Variants in SFMBT1 observed in about 807,000 individuals in gnomAD.
SFMBT1 encodes the protein scm-like with four MBT domains protein 1.
SFMBT1 carries 32 observed loss-of-function variants against 108.7 expected under a neutral mutation model. The observed-to-expected ratio is 0.29, with a 90% CI of 0.22 to 0.40. The LOEUF (loss-of-function observed/expected upper bound fraction) is 0.40. Among genes scored for constraint, SFMBT1 ranks in the 10% least tolerant of loss-of-function variants. The pLI is 1.00. For synonymous variants in SFMBT1, 348 were observed against 369.5 expected, an observed-to-expected ratio of 0.94 and a Z score of 0.67; for missense variants, 816 against 1,059.6, an observed-to-expected ratio of 0.77 and a Z score of 3.19.
intron 1 of SFMBT1, among the ~76,000 whole-genome samples, chr3:52,970,288 T>C (rs1000998376): frequency 7.1e-4 from 108 of 152,256 alleles, no homozygotes; most frequent in African/African-American, 2.5e-3. Context: ...TCCTATTCCA[T>C]CCCTAAGCTC....
At chr3:52,914,222 T>C (rs911116170) in intron 14 of SFMBT1, among the ~76,000 whole-genome samples, 7 of 152,182 alleles carry the variant, frequency 4.6e-5, no homozygotes, top group Non-Finnish European at 1.0e-4. Flanking sequence ...ATCAATACTG[T>C]CCTTCAATTT....
chr3:52,908,488 T>C (rs971311979), intron 17 of SFMBT1, among the ~76,000 whole-genome samples: 1 of 152,232 alleles, frequency 6.6e-6, no homozygotes, highest in African/African-American at 2.4e-5. Flanking sequence ...AAGAATTTCC[T>C]TTCTCCCTTA....
intron 1 of SFMBT1, among the ~76,000 whole-genome samples, chr3:52,985,454 G>T (rs1704871447): frequency 6.6e-6 from 1 of 152,186 alleles, no homozygotes. Context: ...TAGGCACACA[G>T]AACACTGTCC....
intron 1 of SFMBT1, among the ~76,000 whole-genome samples, chr3:52,975,285 T>C (rs1395956348): frequency 6.6e-6 from 1 of 152,232 alleles, no homozygotes; most frequent in African/African-American, 2.4e-5. Context: ...CCATTGGAAA[T>C]TGTGTTAGAG....
At chr3:52,954,237 C>T (rs1282357349) in intron 3 of SFMBT1, 80 bp downstream of exon 3, 2 of 1,113,222 alleles carry the variant, frequency 1.8e-6, no homozygotes, top group African/African-American at 3.2e-5. Flanking sequence ...ATTAAAATAA[C>T]TTTAAATTCT....
At chr3:53,033,462 A>C (rs1699758609) in intron 1 of SFMBT1, among the ~76,000 whole-genome samples, 1 of 152,060 alleles carries the variant, frequency 6.6e-6, no homozygotes. Flanking sequence ...CGCCCGGCCC[A>C]ACATTTTTTT....
At chr3:53,016,327 C>T (rs1206711504) in intron 1 of SFMBT1, among the ~76,000 whole-genome samples, 1 of 152,126 alleles carries the variant, frequency 6.6e-6, no homozygotes, top group African/African-American at 2.4e-5. Flanking sequence ...CCAGAGATTG[C>T]CTCAAGCCAA....
chr3:53,045,560 C>A (rs1048019100), intron 1 of SFMBT1, among the ~76,000 whole-genome samples: 1 of 143,170 alleles, frequency 7.0e-6, no homozygotes, highest in Non-Finnish European at 1.5e-5. Context: ...CCCCTGCAGC[C>A]GGCCGGCCGG....
At chr3:52,982,855 TA>T (rs201481492) in intron 1 of SFMBT1, among the ~76,000 whole-genome samples, 90,181 of 150,124 alleles carry the variant, frequency 0.6, 27,321 homozygotes, top group Middle Eastern at 0.67. Flanking sequence ...CCAGTGCCAA[TA>T]AAGAAGAAGA....
chr3:52,979,318 AT>A (rs1704625319), intron 1 of SFMBT1, among the ~76,000 whole-genome samples: 1 of 152,180 alleles, frequency 6.6e-6, no homozygotes, highest in Non-Finnish European at 1.5e-5. Context: ...ATAAATTTCT[AT>A]TTTCAATTGC....
chr3:52,926,470 A>C (rs1384354457), intron 9 of SFMBT1, among the ~76,000 whole-genome samples: 2 of 152,188 alleles, frequency 1.3e-5, no homozygotes, highest in African/African-American at 4.8e-5. Context: ...ATCCACTCTT[A>C]TTGTCAATTC....
chr3:53,041,540 A>C (rs900895865), intron 1 of SFMBT1, among the ~76,000 whole-genome samples: 1 of 152,080 alleles, frequency 6.6e-6, no homozygotes, highest in African/African-American at 2.4e-5. Flanking sequence ...TTTACTAAAA[A>C]TACCAAAATT....
chr3:53,017,182 C>G (rs1031141770), intron 1 of SFMBT1, among the ~76,000 whole-genome samples: 1 of 152,132 alleles, frequency 6.6e-6, no homozygotes, highest in Non-Finnish European at 1.5e-5. Flanking sequence ...GAAACACACC[C>G]AAGCTGTTAG....
intron 2 of SFMBT1, among the ~76,000 whole-genome samples, chr3:52,967,959 T>C (rs963670407): frequency 6.6e-6 from 1 of 152,254 alleles, no homozygotes; most frequent in Non-Finnish European, 1.5e-5. Context: ...CTGCTGGGTA[T>C]GTACCCCAGA....
chr3:52,938,500 TTTG>T (rs1703090787), intron 4 of SFMBT1, among the ~76,000 whole-genome samples: 1 of 152,136 alleles, frequency 6.6e-6, no homozygotes, highest in Non-Finnish European at 1.5e-5. Context: ...TACTTTCTAT[TTTG>T]TTGTTGTTGT....
chr3:52,973,072 C>T (rs1704404301), intron 1 of SFMBT1, among the ~76,000 whole-genome samples: 1 of 151,946 alleles, frequency 6.6e-6, no homozygotes, highest in Admixed American at 6.6e-5. Context: ...ACTTATAAGG[C>T]TGGGCCCAAT....
intron 1 of SFMBT1, among the ~76,000 whole-genome samples, chr3:53,045,432 C>T (rs1262681474): frequency 6.9e-6 from 1 of 144,268 alleles, no homozygotes; most frequent in Non-Finnish European, 1.5e-5. Flanking sequence ...GGGCGCCCGC[C>T]ACTGCCGCCG....
At chr3:52,907,845 G>C in intron 17 of SFMBT1, 112 bp from the exon 18 acceptor site, 1 of 989,818 alleles carries the variant, frequency 1.0e-6, no homozygotes, top group Non-Finnish European at 1.5e-6. Context: ...ATTTGATTGG[G>C]GTTTAAATTC....
In SFMBT1 at chr3:52,943,228, A is replaced by T. The variant is rs1703243576; in HGVS notation, c.364+125T>A. 14 of 1,139,794 alleles carry T rather than the reference A, an allele frequency of 1.2e-5. No individual in the cohort carries two copies. The South Asian group carries it at 1.9e-4, about 16-fold the overall frequency. 70.6% of individuals were successfully genotyped at this position (1,139,794 alleles called of 1,614,324 possible). ...ATTCCTTATAAATATTTTCACTCAAAATGCTAACCTAGAAAAGCTGGGTAA... is the reference window on the plus strand; with the variant it reads ...ATTCCTTATAAATATTTTCACTCAATATGCTAACCTAGAAAAGCTGGGTAA... On this transcript the variant is annotated intron_variant, in intron 4 of 20. Coordinates refer to ENST00000394752, the MANE Select transcript of SFMBT1 (RefSeq NM_016329.4).
Sources: allele counts gnomAD v4.1 joint callset (sites outside exome capture counted in the v4.1 genomes callset), GRCh38; gene constraint gnomAD v4.1.1; transcripts MANE v1.5; gene names NCBI Gene and HGNC (gene_info 2026-07-23, HGNC 2026-07-21).